Variants in LAMA1 observed in about 807,000 individuals in gnomAD.
The protein encoded by LAMA1 is laminin subunit alpha 1.
LAMA1 carries 219 observed loss-of-function variants against 348.7 expected under a neutral mutation model. The ratio of observed to expected loss-of-function variants is 0.63; its 90% CI spans 0.56 to 0.70. The LOEUF is 0.70. Ranked by LOEUF, LAMA1 falls within the 30% of genes least tolerant of loss-of-function variation. The pLI is 0.00. For missense variants in LAMA1, 3,744 were observed against 3,888.0 expected (o/e 0.96, Z 0.99); for synonymous variants, 1,487 against 1,491.0 (o/e 1.00, Z 0.06).
intron 36 of LAMA1, among the ~76,000 whole-genome samples, chr18:6,992,355 C>A (rs2057762506): frequency 6.6e-6 from 1 of 152,246 alleles, no homozygotes; most frequent in Non-Finnish European, 1.5e-5. Context: ...ATAGATTACA[C>A]TGACTGCACA....
chr18:7,004,585 C>G (rs567796564), intron 29 of LAMA1, among the ~76,000 whole-genome samples: 1 of 152,294 alleles, frequency 6.6e-6, no homozygotes, highest in Admixed American at 6.5e-5. Flanking sequence ...CTCCCAGCCC[C>G]AGGTGATCCG....
rs370503858 is a variant in LAMA1, at chr18:7,093,029, C to T, written c.62-12572G>A. On this transcript the variant is annotated intron_variant, in intron 1 of 62. Transcript: ENST00000389658. ...AGGACGCAAGCAACATAAAGTATAC[C>T]GAATTGAGGAGCAGAGAACTGGGTT... is the stretch of plus-strand genomic sequence containing the variant. 1.6e-3 allele frequency among the ~76,000 whole-genome samples: 247 copies of T among 152,176 alleles called. 2 individuals are homozygous for T. The highest frequency in any genetic ancestry group is 5.7e-3 in the African/African-American group (236 of 41,524).
chr18:7,069,297 AAAGAAC>A (rs536802836), intron 3 of LAMA1, among the ~76,000 whole-genome samples: 6 of 152,202 alleles, frequency 3.9e-5, no homozygotes, highest in Non-Finnish European at 7.3e-5. Flanking sequence ...CTTATCGTTA[AAAGAAC>A]AGTATGTGCA....
chr18:7,038,960 AG>A lies in LAMA1; in HGVS notation c.1423-11del, dbSNP rs755949243. The A allele has an allele frequency of 6.2e-7, 1 of 1,610,624 alleles. No individual in the cohort carries two copies. The highest frequency in any genetic ancestry group is 1.1e-5 in the South Asian group (1 of 91,014). ...TCCCCTCAACGTTTTCCTGTAAGTTAGGGTAAAAGATTAGCTTTTGAAACCA... is the reference window on the plus strand; with the variant it reads ...TCCCCTCAACGTTTTCCTGTAAGTTAGGTAAAAGATTAGCTTTTGAAACCA... On this transcript the variant is annotated splice_polypyrimidine_tract_variant and intron_variant, in intron 10 of 62. Coordinates refer to ENST00000389658, the MANE Select transcript of LAMA1 (RefSeq NM_005559.4).
chr18:7,083,433 G>C (rs1286185672), intron 1 of LAMA1, among the ~76,000 whole-genome samples: 1 of 151,798 alleles, frequency 6.6e-6, no homozygotes, highest in Non-Finnish European at 1.5e-5. Flanking sequence ...TGCTCCACTC[G>C]TCTCGGCCTC....
intron 1 of LAMA1, among the ~76,000 whole-genome samples, chr18:7,083,374 C>T (rs370759227): frequency 3.3e-5 from 5 of 151,654 alleles, no homozygotes; most frequent in East Asian, 3.9e-4. Context: ...TTAATAGAGA[C>T]GGAGTTTCAC....
intron 61 of LAMA1, among the ~76,000 whole-genome samples, chr18:6,945,906 G>T (rs2057519415): frequency 6.6e-6 from 1 of 152,066 alleles, no homozygotes; most frequent in African/African-American, 2.4e-5. Flanking sequence ...AAGGAAAAGG[G>T]CCATCGAGAC....
intron 3 of LAMA1, among the ~76,000 whole-genome samples, chr18:7,065,622 G>A (rs1216611737): frequency 6.6e-6 from 1 of 152,100 alleles, no homozygotes; most frequent in East Asian, 1.9e-4. Flanking sequence ...AGCTACTCGG[G>A]ATGCCGAAGC....
chr18:7,066,779 C>G (rs2058124487), intron 3 of LAMA1, among the ~76,000 whole-genome samples: 1 of 152,110 alleles, frequency 6.6e-6, no homozygotes, highest in Admixed American at 6.6e-5. Context: ...CACTTTATCA[C>G]TGTTACTGAG....
intron 28 of LAMA1, among the ~76,000 whole-genome samples, chr18:7,007,636 A>G (rs2057838630): frequency 1.3e-5 from 2 of 152,334 alleles, no homozygotes; most frequent in Admixed American, 6.5e-5. Context: ...TTTTGGGTAC[A>G]CAACCAAAAG....
intron 53 of LAMA1, 175 bp from the exon 54 acceptor site, chr18:6,959,667 T>A (rs1325895504): frequency 2.9e-6 from 2 of 688,990 alleles, no homozygotes; most frequent in Admixed American, 2.2e-5. Flanking sequence ...CTAATCTCTG[T>A]TCATATAATT....
chr18:7,005,570 G>A (rs1290670883), intron 29 of LAMA1, among the ~76,000 whole-genome samples: 1 of 152,134 alleles, frequency 6.6e-6, no homozygotes, highest in African/African-American at 2.4e-5. Context: ...CCAACATGGT[G>A]AAACCCTGCC....
chr18:6,944,614 GCA>G (rs1357952323), intron 61 of LAMA1, among the ~76,000 whole-genome samples: 1 of 152,176 alleles, frequency 6.6e-6, no homozygotes, highest in East Asian at 1.9e-4. Flanking sequence ...ACACAGACAT[GCA>G]CAGAGGGAAG....
Position 7,044,847 on chromosome 18 carries a change from A to G in LAMA1, c.859-8T>C, listed in dbSNP as rs1257530731. 6.3e-7 allele frequency: 1 copy of G among 1,591,874 alleles called. No homozygotes were observed. ...ACATTGACACTGCAGTTTCTACACAATAAGGAAGCCAAAACTGAATTAGAA... is the reference window on the plus strand; with the variant it reads ...ACATTGACACTGCAGTTTCTACACAGTAAGGAAGCCAAAACTGAATTAGAA... On this transcript the variant is annotated splice_region_variant and splice_polypyrimidine_tract_variant and intron_variant, in intron 6 of 62. Transcript: ENST00000389658.
intron 12 of LAMA1, among the ~76,000 whole-genome samples, chr18:7,036,966 G>A (rs955685885): frequency 2.0e-5 from 3 of 152,148 alleles, no homozygotes; most frequent in Non-Finnish European, 2.9e-5. Context: ...CGGCATAAGT[G>A]GGGAGGGGGG....
intron 48 of LAMA1, among the ~76,000 whole-genome samples, chr18:6,970,101 T>G (rs1408600516): frequency 1.3e-5 from 2 of 152,134 alleles, no homozygotes; most frequent in East Asian, 3.9e-4. Context: ...ATTACTAAAT[T>G]GCTGGAAGAG....
chr18:7,037,924 G>C (rs1324187927), intron 11 of LAMA1, among the ~76,000 whole-genome samples, 173 bp from the exon 12 acceptor site: 1 of 151,996 alleles, frequency 6.6e-6, no homozygotes, highest in Non-Finnish European at 1.5e-5. Flanking sequence ...CCTTCCACTT[G>C]TAAAGGACCA....
At chr18:6,998,007 C>G in intron 32 of LAMA1, 123 bp from the exon 33 acceptor site, 1 of 831,754 alleles carries the variant, frequency 1.2e-6, no homozygotes, top group Non-Finnish European at 2.0e-6. Flanking sequence ...CACTCCAAGA[C>G]CCCGTGCACC....
intron 1 of LAMA1, among the ~76,000 whole-genome samples, chr18:7,090,442 AG>A (rs975804214): frequency 6.6e-6 from 1 of 152,134 alleles, no homozygotes; most frequent in African/African-American, 2.4e-5. Context: ...TACTCTAAGC[AG>A]GGAGCTCTTT....
Sources: allele counts gnomAD v4.1 joint callset (sites outside exome capture counted in the v4.1 genomes callset), GRCh38; gene constraint gnomAD v4.1.1; transcripts MANE v1.5; gene names NCBI Gene and HGNC (gene_info 2026-07-23, HGNC 2026-07-21).